SCHIP1: variants seen among roughly 807,000 people sequenced by gnomAD.
The protein encoded by SCHIP1 is schwannomin-interacting protein 1.
In SCHIP1, 8 loss-of-function variants were observed where a neutral mutation model predicts 29.7. That is an observed-to-expected ratio of 0.27 (90% CI 0.16 to 0.49). SCHIP1 has a LOEUF of 0.49. Among genes scored for constraint, SCHIP1 ranks in the 20% least tolerant of loss-of-function variants. The pLI is 0.99. For synonymous variants in SCHIP1, 76 were observed against 94.9 expected, an observed-to-expected ratio of 0.80 and a Z score of 1.16; for missense variants, 193 against 294.6, an observed-to-expected ratio of 0.66 and a Z score of 2.52.
At chr3:159,284,581 C>T in the SCHIP1 span, among the ~76,000 whole-genome samples, 2 of 152,144 alleles carry the variant, frequency 1.3e-5, no homozygotes, top group South Asian at 2.1e-4. Context: ...CTCTGCTTCC[C>T]GGGTTAAAAC....
chr3:159,699,852 C>A, the SCHIP1 span, among the ~76,000 whole-genome samples: 1 of 152,088 alleles, frequency 6.6e-6, no homozygotes, highest in African/African-American at 2.4e-5. Flanking sequence ...AGAGCTTCTC[C>A]CAGTGACTCA....
the SCHIP1 span, among the ~76,000 whole-genome samples, chr3:159,304,953 C>G: frequency 2.6e-5 from 4 of 152,322 alleles, no homozygotes; most frequent in Admixed American, 2.6e-4. Context: ...GTGTCTCTCT[C>G]AAACCCCGAT....
the SCHIP1 span, among the ~76,000 whole-genome samples, chr3:159,758,394 G>T: frequency 6.6e-6 from 1 of 151,898 alleles, no homozygotes; most frequent in Non-Finnish European, 1.5e-5. Context: ...CTTGTGATCC[G>T]CCCGCCTCAG....
the SCHIP1 span, among the ~76,000 whole-genome samples, chr3:159,327,990 C>G: frequency 6.6e-6 from 1 of 152,146 alleles, no homozygotes; most frequent in African/African-American, 2.4e-5. Flanking sequence ...AAACCCTGAG[C>G]GACCTGAACT....
the SCHIP1 span, among the ~76,000 whole-genome samples, chr3:159,698,100 T>C: frequency 2.6e-5 from 4 of 152,250 alleles, no homozygotes; most frequent in East Asian, 5.8e-4. Flanking sequence ...ACAGAACTTA[T>C]ATGTGGGGAG....
chr3:159,658,668 C>A, the SCHIP1 span, among the ~76,000 whole-genome samples: 1 of 152,124 alleles, frequency 6.6e-6, no homozygotes, highest in African/African-American at 2.4e-5. Flanking sequence ...CATCCAAAAC[C>A]CATTCACATC....
the SCHIP1 span, among the ~76,000 whole-genome samples, chr3:159,472,506 G>T: frequency 6.6e-6 from 1 of 152,076 alleles, no homozygotes; most frequent in South Asian, 2.1e-4. Flanking sequence ...TGCCTGAGTC[G>T]GCTGTGCTCC....
chr3:159,459,954 G>T, the SCHIP1 span, among the ~76,000 whole-genome samples: 44 of 152,072 alleles, frequency 2.9e-4, no homozygotes, highest in African/African-American at 1.1e-3. Context: ...CATACTTCTG[G>T]CCTCCAGAAT....
At chr3:159,553,736 A>T in the SCHIP1 span, among the ~76,000 whole-genome samples, 2 of 152,228 alleles carry the variant, frequency 1.3e-5, no homozygotes, top group East Asian at 1.9e-4. Flanking sequence ...GGTCTTTCCC[A>T]CTGTATTGGG....
At chr3:159,499,007 G>C in the SCHIP1 span, among the ~76,000 whole-genome samples, 1 of 152,016 alleles carries the variant, frequency 6.6e-6, no homozygotes, top group Non-Finnish European at 1.5e-5. Context: ...CTTGACCCTG[G>C]GCAGCTTGTA....
At chr3:159,394,665 C>G in the SCHIP1 span, among the ~76,000 whole-genome samples, 2 of 152,012 alleles carry the variant, frequency 1.3e-5, no homozygotes, top group Non-Finnish European at 2.9e-5. Flanking sequence ...GGGATGAAGC[C>G]CACTTGATCA....
the SCHIP1 span, among the ~76,000 whole-genome samples, chr3:159,338,223 G>A: frequency 1.3e-5 from 2 of 152,260 alleles, no homozygotes; most frequent in Non-Finnish European, 2.9e-5. Flanking sequence ...CAAATGCAAA[G>A]TGTTATAAAC....
chr3:159,544,622 T>C, the SCHIP1 span, among the ~76,000 whole-genome samples: 4 of 152,136 alleles, frequency 2.6e-5, no homozygotes, highest in Non-Finnish European at 5.9e-5. Flanking sequence ...CATCGTTTCA[T>C]GTTTTCTTAA....
At chr3:159,465,033 C>A in the SCHIP1 span, among the ~76,000 whole-genome samples, 9 of 152,106 alleles carry the variant, frequency 5.9e-5, no homozygotes, top group Non-Finnish European at 1.2e-4. Flanking sequence ...CAGTCACCTC[C>A]TACTCTTCCA....
the SCHIP1 span, among the ~76,000 whole-genome samples, chr3:159,546,448 G>A: frequency 6.6e-6 from 1 of 152,024 alleles, no homozygotes; most frequent in Non-Finnish European, 1.5e-5. Flanking sequence ...TACATGTACA[G>A]AACATGCAGG....
At chr3:159,424,947 C>T in the SCHIP1 span, among the ~76,000 whole-genome samples, 11 of 152,058 alleles carry the variant, frequency 7.2e-5, no homozygotes, top group South Asian at 4.2e-4. Context: ...AACTAAGCTT[C>T]ATAAGTGAAG....
the SCHIP1 span, among the ~76,000 whole-genome samples, chr3:159,737,030 G>A: frequency 1.3e-5 from 2 of 152,282 alleles, no homozygotes; most frequent in African/African-American, 4.8e-5. Flanking sequence ...CACCACGCCC[G>A]GCCAAAGACC....
chr3:159,333,310 A>G, the SCHIP1 span, among the ~76,000 whole-genome samples: 2 of 152,226 alleles, frequency 1.3e-5, no homozygotes, highest in African/African-American at 4.8e-5. Context: ...TTCAAATAAG[A>G]ATTTAGGGGA....
intron 1 of SCHIP1, among the ~76,000 whole-genome samples, chr3:159,855,130 C>T (rs1713198174): frequency 6.6e-6 from 1 of 152,212 alleles, no homozygotes. Flanking sequence ...GAGATCAGTT[C>T]ATTATGTTCC....
Sources: gnomAD v4.1 joint callset for allele counts (sites outside exome capture counted in the v4.1 genomes callset) on GRCh38, gnomAD v4.1.1 for gene constraint, MANE v1.5 for transcripts, NCBI Gene and HGNC (gene_info 2026-07-23, HGNC 2026-07-21) for gene names.